MYH2: variants seen among roughly 807,000 people sequenced by gnomAD.
MYH2 encodes the protein myosin heavy chain 2.
A neutral mutation model predicts 228.1 loss-of-function variants in MYH2; 139 were observed. That is an observed-to-expected ratio of 0.61 (90% confidence interval 0.53 to 0.70). The LOEUF is 0.70. Among genes scored for constraint, MYH2 ranks in the 30% least tolerant of loss-of-function variants. The pLI is 0.00. For missense variants in MYH2, 1,809 were observed against 2,357.5 expected (o/e 0.77, Z 4.82); for synonymous variants, 796 against 871.1 (o/e 0.91, Z 1.52).
rs1316921028 is a variant in MYH2, at chr17:10,524,282, T to A, written c.5175+184A>T. On this transcript the variant is annotated intron_variant, in intron 35 of 39. Coordinates refer to ENST00000245503, the MANE Select transcript of MYH2 (RefSeq NM_017534.6). This position sits in a 1 kb window ranked among gnomAD's most constrained non-coding sequence, Gnocchi z 4.7. ...GCCTTAGAATATTATATGAAGCAAA[T>A]CAACAATAGTTTTTCAAAGCAAAAC... Among the ~76,000 whole-genome samples the A allele has an allele frequency of 6.6e-6, 1 of 152,102 alleles. No individual in the cohort carries two copies. Among genetic ancestry groups the A allele is most frequent in the Non-Finnish European group, 1.5e-5 (1 of 68,006 alleles).
At position 10,539,424 on chromosome 17, in the gene MYH2, A is replaced by C. The variant is rs750269911; in HGVS notation, c.1266+20T>G. 1 of 1,614,092 alleles carries C rather than the reference A, an allele frequency of 6.2e-7. No homozygotes were observed. The highest frequency in any genetic ancestry group is 1.6e-4 in the Middle Eastern group (1 of 6,062). On this transcript the variant is annotated intron_variant, in intron 13 of 39. Coordinates refer to ENST00000245503, the MANE Select transcript of MYH2 (RefSeq NM_017534.6). Reference sequence around the variant, plus strand: ...GAAAATGCTTTCATCCCTGGCAGTTAATTTGAATTATGCACCTACCTGTTC... The same window carrying C: ...GAAAATGCTTTCATCCCTGGCAGTTCATTTGAATTATGCACCTACCTGTTC...
chr17:10,542,105 C>A (rs2073563631), intron 10 of MYH2, among the ~76,000 whole-genome samples: 1 of 152,178 alleles, frequency 6.6e-6, no homozygotes, highest in South Asian at 2.1e-4. Context: ...GAAACCCCAT[C>A]TCTACTAAAA....
intron 5 of MYH2, 89 bp downstream of exon 5, chr17:10,545,257 A>G: frequency 6.2e-7 from 1 of 1,608,342 alleles, no homozygotes; most frequent in Non-Finnish European, 8.5e-7. Flanking sequence ...GGACGATCTC[A>G]AGGAATGTGT....
At chr17:10,533,214 G>A in intron 21 of MYH2, 71 bp downstream of exon 21, 5 of 1,596,112 alleles carry the variant, frequency 3.1e-6, no homozygotes, top group East Asian at 2.2e-5. Flanking sequence ...ATCATAAGCT[G>A]AGTCTTAACT....
chr17:10,526,817 C>T (rs1430118568), intron 29 of MYH2, 22 bp from the exon 30 acceptor site: 2 of 1,614,252 alleles, frequency 1.2e-6, no homozygotes, highest in South Asian at 2.2e-5. Context: ...GTTACACCTT[C>T]ATTTTACTGG....
At position 10,525,547 on chromosome 17, in the gene MYH2, G is replaced by A. The variant is rs990939157; in HGVS notation, c.4441C>T (p.Arg1481Cys). 4.3e-5 allele frequency: 70 copies of A among 1,614,006 alleles called. 1 individual carries two copies. The highest frequency in any genetic ancestry group is 1.6e-4 in the South Asian group (15 of 91,078). The change falls in exon 32 of 40, where the codon CGT (arginine) becomes TGT (cysteine). Residue 1481 changes from arginine to cysteine, a missense_variant. Physicochemically the swap from Arg to Cys is radical, Grantham distance 180 (BLOSUM62 -3). Coordinates refer to ENST00000245503, the MANE Select transcript of MYH2 (RefSeq NM_017534.6). The surrounding 1 kb of genome is among the most constrained non-coding windows in gnomAD (Gnocchi z 4.2). The stretch of plus-strand genomic sequence containing the variant: ...TTGAACAGCTCAGTGCCAAGGGAAC[G>A]GGCCTCCTTCTGGGAGGCCTCAAGC... ...AELEASQKEA[R>C]SLGTELFKIK...
chr17:10,525,549 G>C lies in MYH2; in HGVS notation c.4439C>G (p.Ala1480Gly), dbSNP rs1303566428. 1 of 1,614,026 alleles carries C rather than the reference G, an allele frequency of 6.2e-7. No homozygotes were observed. The highest frequency in any genetic ancestry group is 1.1e-5 in the South Asian group (1 of 91,068). The part of the protein sequence containing the change: ...HAELEASQKE[A>G]RSLGTELFKI... ...GAACAGCTCAGTGCCAAGGGAACGG[G>C]CCTCCTTCTGGGAGGCCTCAAGCTC... The change falls in exon 32 of 40, where the codon GCC becomes GGC. Residue 1480 changes from alanine to glycine, a missense_variant. Coordinates refer to ENST00000245503, the MANE Select transcript of MYH2 (RefSeq NM_017534.6). This position sits in a 1 kb window ranked among gnomAD's most constrained non-coding sequence, Gnocchi z 4.2.
chr17:10,530,199 T>G, intron 22 of MYH2, 125 bp from the exon 23 acceptor site: 1 of 1,556,622 alleles, frequency 6.4e-7, no homozygotes, highest in Non-Finnish European at 8.8e-7. Context: ...CCTTCACAAA[T>G]TTTTGTTTCA....
At position 10,526,544 on chromosome 17, in the gene MYH2, T is replaced by C. The variant is rs983534076; in HGVS notation, c.4187+55A>G. 2.5e-6 allele frequency: 4 copies of C among 1,609,740 alleles called. No homozygotes were observed. The African/African-American group carries it at 5.3e-5, about 22-fold the overall frequency. ...TCACTGAATCTTCAAAGGTCATGTC[T>C]TTCTGATTCAATATGCAAAGTTTTC... On this transcript the variant is annotated intron_variant, in intron 30 of 39. Transcript: ENST00000245503.
chr17:10,540,027 C>A lies in MYH2; in HGVS notation c.1048G>T (p.Val350Phe). ...GCCCCCGTGAGCTTGTAAATGGAGA[C>A]CTTTTCTTCATTAGTAAAGCCCAAA... The part of the protein sequence containing the change: ...DILGFTNEEK[V>F]SIYKLTGAVM... Residue 350 changes from valine to phenylalanine, a missense_variant, in exon 12 of 40, where the codon GTC (valine) becomes TTC (phenylalanine). Physicochemically the swap from Val to Phe is conservative, Grantham distance 50. Coordinates refer to ENST00000245503, the MANE Select transcript of MYH2 (RefSeq NM_017534.6). 2 of 1,613,898 alleles carry A rather than the reference C, an allele frequency of 1.2e-6. No individual in the cohort carries two copies. The highest frequency in any genetic ancestry group is 1.7e-6 in the Non-Finnish European group (2 of 1,179,946).
chr17:10,534,912 G>A (rs1333853603), intron 19 of MYH2, 161 bp downstream of exon 19: 5 of 897,524 alleles, frequency 5.6e-6, no homozygotes, highest in Admixed American at 4.1e-5. Flanking sequence ...GCAAGACTTT[G>A]TCTCAAAACA....
intron 19 of MYH2, 141 bp downstream of exon 19, chr17:10,534,932 G>A (rs1016391787): frequency 1.3e-5 from 14 of 1,087,736 alleles, no homozygotes; most frequent in African/African-American, 3.1e-5. Context: ...AAAAGTGTTC[G>A]AGACTTGAGA....
Position 10,536,738 on chromosome 17 carries a change from A to G in MYH2, c.1898-132T>C, listed in dbSNP as rs9903038. The stretch of plus-strand genomic sequence containing the variant: ...TGGCCTCTCTGATTGAGCCTGAATG[A>G]ATCTTATTTTTCAACTAAGTTTGCA... On this transcript the variant is annotated intron_variant, in intron 16 of 39. Coordinates refer to ENST00000245503, the MANE Select transcript of MYH2 (RefSeq NM_017534.6). The G allele has an allele frequency of 1.4e-3, 1,131 of 815,778 alleles. 14 individuals are homozygous for G. In the African/African-American group the frequency reaches 0.018, roughly 13 times the overall value. The allele number at this position is 815,778 out of a possible 1,614,324, so 50.5% of individuals were successfully genotyped here.
chr17:10,531,657 A>G lies in MYH2; in HGVS notation c.2673T>C (p.Asn891=), dbSNP rs773655096. The G allele has an allele frequency of 6.2e-7, 1 of 1,614,008 alleles. No homozygotes were observed. Among genetic ancestry groups the G allele is most frequent in the Non-Finnish European group, 8.5e-7 (1 of 1,179,996 alleles). The change falls in exon 22 of 40, where the codon AAT becomes AAC. Residue 891 remains asparagine (N), a synonymous_variant. Transcript: ENST00000245503. ...CAGCCTGAACTTGGAGCTGCAAGTC[A>G]TTTTTTTCTTTCAACAGCGTCACCA... ...EKMVTLLKEK[N]DLQLQVQAEA...
At chr17:10,528,589 G>T (rs1447669093) in intron 27 of MYH2, 101 bp downstream of exon 27, 4 of 1,540,098 alleles carry the variant, frequency 2.6e-6, no homozygotes, top group Non-Finnish European at 3.6e-6. Context: ...CTGAATTACT[G>T]CAGTTAACAA....
chr17:10,533,184 A>T, intron 21 of MYH2, 101 bp downstream of exon 21: 1 of 1,542,118 alleles, frequency 6.5e-7, no homozygotes. Context: ...ACTCTTATTC[A>T]TTTCTTCTTT....
chr17:10,523,221 T>G (rs1385227658), intron 38 of MYH2, 36 bp from the exon 39 acceptor site: 1 of 1,605,794 alleles, frequency 6.2e-7, no homozygotes, highest in African/African-American at 1.3e-5. Flanking sequence ...CCTTAATTAC[T>G]AAAGCACATG....
chr17:10,540,538 G>T (rs887835392), intron 11 of MYH2, 56 bp downstream of exon 11: 3 of 1,398,668 alleles, frequency 2.1e-6, no homozygotes, highest in African/African-American at 2.8e-5. Context: ...TATTTATCTG[G>T]ATCACCATTA....
At position 10,527,766 on chromosome 17, in the gene MYH2, G is replaced by A. The variant is rs374494789; in HGVS notation, c.3853C>T (p.Arg1285Cys). 9.9e-6 allele frequency: 16 copies of A among 1,613,976 alleles called. No homozygotes were observed. Among genetic ancestry groups the A allele is most frequent in the Middle Eastern group, 1.7e-4 (1 of 6,058 alleles). ...LINDLTAQRGRLQTESGEFSR... is the reference protein window; with the variant it reads ...LINDLTAQRGCLQTESGEFSR... ...GAGTTACCAGATTCAGTCTGCAGGC[G>A]CCCCCTCTGCGCAGTCAGGTCATTG... Residue 1285 changes from arginine to cysteine, a missense_variant, in exon 28 of 40, where the codon CGC becomes TGC. This residue lies in a region of MYH2 where 636 missense variants were observed against 729.9 expected (regional missense o/e 0.87). Coordinates refer to ENST00000245503, the MANE Select transcript of MYH2 (RefSeq NM_017534.6).
Sources: allele counts gnomAD v4.1 joint callset (sites outside exome capture counted in the v4.1 genomes callset), GRCh38; gene constraint gnomAD v4.1.1; regional missense constraint gnomAD v4.1.1; non-coding constraint Gnocchi (gnomAD v3.1); transcripts MANE v1.5; gene names NCBI Gene and HGNC (gene_info 2026-07-23, HGNC 2026-07-21).